The following RTTN variants were observed in gnomAD, a reference collection of about 807,000 sequenced individuals.
RTTN encodes rotatin.
Under a neutral mutation model 269.2 loss-of-function variants are expected in RTTN, and 182 were observed. That is an observed-to-expected ratio of 0.68 (90% CI 0.60 to 0.76). RTTN has a LOEUF of 0.76. RTTN is among the 30% of genes least tolerant of loss of function. The pLI, the probability that RTTN is intolerant of heterozygous loss-of-function variation, is 0.00. For synonymous variants in RTTN, 1,006 were observed against 963.5 expected, an observed-to-expected ratio of 1.04 and a Z score of -0.82; for missense variants, 2,545 against 2,608.6, an observed-to-expected ratio of 0.98 and a Z score of 0.53.
intron 34 of RTTN, among the ~76,000 whole-genome samples, chr18:70,070,290 A>G (rs1463734435): frequency 6.6e-6 from 1 of 152,194 alleles, no homozygotes; most frequent in Admixed American, 6.5e-5. Flanking sequence ...AGGTTGTTAG[A>G]CTCTGGATAA....
rs74906380 is a variant in RTTN at position 70,086,843 on chromosome 18, G to A, written c.4303-159C>T. Among the ~76,000 whole-genome samples, 818 of 151,512 alleles carry A rather than the reference G, an allele frequency of 5.4e-3. 12 individuals are homozygous for A. The highest frequency in any genetic ancestry group is 0.018 in the African/African-American group (752 of 41,230). ...ATGCTGAGAGGTCATTATGAGAATTGTCAAACTGTATTTCTTGTTAGGTGA... is the reference window on the plus strand; with the variant it reads ...ATGCTGAGAGGTCATTATGAGAATTATCAAACTGTATTTCTTGTTAGGTGA... On this transcript the variant is annotated intron_variant, in intron 31 of 48. Transcript: ENST00000640769.
intron 14 of RTTN, among the ~76,000 whole-genome samples, chr18:70,162,719 G>C (rs1158583201): frequency 6.6e-6 from 1 of 151,682 alleles, no homozygotes. Context: ...GATTTGGGTG[G>C]GGACACAAAG....
chr18:70,025,661 C>T (rs933038210), intron 43 of RTTN, among the ~76,000 whole-genome samples: 2 of 152,216 alleles, frequency 1.3e-5, no homozygotes, highest in Admixed American at 1.3e-4. Flanking sequence ...CTGTGGCACA[C>T]GGCCCTCCAT....
At chr18:70,119,752 T>A (rs2145546232) in intron 26 of RTTN, among the ~76,000 whole-genome samples, 1 of 152,348 alleles carries the variant, frequency 6.6e-6, no homozygotes, top group Non-Finnish European at 1.5e-5. Flanking sequence ...ACCTTGAAAG[T>A]AATACATGGT....
chr18:70,065,077 T>C (rs1164288309), intron 35 of RTTN, among the ~76,000 whole-genome samples: 1 of 152,118 alleles, frequency 6.6e-6, no homozygotes, highest in East Asian at 1.9e-4. Flanking sequence ...TTTAGGAAAT[T>C]ATTGGAACAA....
At chr18:70,045,786 G>C (rs150412136) in intron 40 of RTTN, among the ~76,000 whole-genome samples, 65 of 152,208 alleles carry the variant, frequency 4.3e-4, no homozygotes, top group African/African-American at 1.5e-3. Flanking sequence ...AACACAAAGA[G>C]TATGATTTAT....
chr18:70,116,175 C>T (rs905134926), intron 26 of RTTN, among the ~76,000 whole-genome samples: 7 of 151,884 alleles, frequency 4.6e-5, no homozygotes, highest in Admixed American at 1.3e-4. Context: ...CTCACATTCA[C>T]GTGCCTTCTG....
intron 3 of RTTN, among the ~76,000 whole-genome samples, chr18:70,203,839 A>T (rs1176521029): frequency 6.6e-6 from 1 of 152,234 alleles, no homozygotes; most frequent in Non-Finnish European, 1.5e-5. Flanking sequence ...AATCTGTCAA[A>T]CTGGCCTCAT....
intron 34 of RTTN, among the ~76,000 whole-genome samples, chr18:70,071,161 T>G (rs1456040581): frequency 6.6e-6 from 1 of 152,038 alleles, no homozygotes; most frequent in African/African-American, 2.4e-5. Flanking sequence ...CTCCATGGAG[T>G]GGGACCTCAC....
chr18:70,127,798 A>G, intron 24 of RTTN, 57 bp from the exon 25 acceptor site: 1 of 1,457,298 alleles, frequency 6.9e-7, no homozygotes. Flanking sequence ...ATAAAAGCTC[A>G]CACTTATTTC....
intron 37 of RTTN, among the ~76,000 whole-genome samples, chr18:70,055,054 A>G (rs190785886): frequency 2.2e-4 from 34 of 152,320 alleles, no homozygotes; most frequent in Admixed American, 2.0e-3. Context: ...AATTACTATT[A>G]TTAATTATAA....
At chr18:70,098,128 A>G (rs2059054093) in intron 28 of RTTN, among the ~76,000 whole-genome samples, 3 of 152,340 alleles carry the variant, frequency 2.0e-5, no homozygotes, top group Admixed American at 2.0e-4. Context: ...GTTCACGGGT[A>G]ACGTGAATGT....
At chr18:70,141,170 T>A (rs1357211883) in intron 19 of RTTN, among the ~76,000 whole-genome samples, 3 of 152,198 alleles carry the variant, frequency 2.0e-5, no homozygotes, top group Non-Finnish European at 4.4e-5. Context: ...AAACTAAAAA[T>A]ATGTGGAATA....
chr18:70,049,260 G>A (rs908703262), intron 39 of RTTN, among the ~76,000 whole-genome samples: 1 of 152,152 alleles, frequency 6.6e-6, no homozygotes, highest in Non-Finnish European at 1.5e-5. Context: ...AAAACAAGCT[G>A]CAGGCCAGAT....
Position 70,024,256 on chromosome 18 carries a change from C to T in RTTN, c.5950+466G>A, listed in dbSNP as rs543095375. Among the ~76,000 whole-genome samples the T allele has an allele frequency of 3.3e-5, 5 of 152,282 alleles. No homozygotes were observed. The South Asian group carries it at 6.2e-4, about 19-fold the overall frequency. Reference sequence around the variant, plus strand: ...TCTCACCAGAACTCACAATGCATGGCCCACCACAGGCTCTTGATAAAGTGT... The same window carrying T: ...TCTCACCAGAACTCACAATGCATGGTCCACCACAGGCTCTTGATAAAGTGT... On this transcript the variant is annotated intron_variant, in intron 44 of 48. Coordinates refer to ENST00000640769, the MANE Select transcript of RTTN (RefSeq NM_173630.4).
At chr18:70,161,269 A>G (rs958338115) in intron 14 of RTTN, among the ~76,000 whole-genome samples, 5 of 152,186 alleles carry the variant, frequency 3.3e-5, no homozygotes, top group African/African-American at 1.2e-4. Flanking sequence ...CTCAGTAAAC[A>G]GTGCTGGAAT....
chr18:70,050,168 T>C (rs1450482037), intron 39 of RTTN, among the ~76,000 whole-genome samples: 1 of 152,172 alleles, frequency 6.6e-6, no homozygotes. Context: ...TTTTGTAATC[T>C]ATCCATCTGA....
intron 23 of RTTN, among the ~76,000 whole-genome samples, chr18:70,133,027 G>A (rs997885442): frequency 1.2e-4 from 19 of 152,060 alleles, no homozygotes; most frequent in African/African-American, 4.1e-4. Flanking sequence ...GAGACATCTA[G>A]GAATAAACTA....
intron 2 of RTTN, 78 bp downstream of exon 2, chr18:70,205,050 T>G: frequency 7.0e-7 from 1 of 1,436,692 alleles, no homozygotes; most frequent in Non-Finnish European, 9.5e-7. Flanking sequence ...TTATTTAACT[T>G]TCAATAAACG....
Sources: gnomAD v4.1 joint callset for allele counts (sites outside exome capture counted in the v4.1 genomes callset) on GRCh38, gnomAD v4.1.1 for gene constraint, MANE v1.5 for transcripts, NCBI Gene and HGNC (gene_info 2026-07-23, HGNC 2026-07-21) for gene names.